The following TNRC6B variants were observed in gnomAD, a reference collection of about 807,000 sequenced individuals.
TNRC6B encodes the protein trinucleotide repeat-containing gene 6B protein.
Under a neutral mutation model 203.6 loss-of-function variants are expected in TNRC6B, and 52 were observed. The ratio of observed to expected loss-of-function variants is 0.26; its 90% CI spans 0.20 to 0.32. The LOEUF (loss-of-function observed/expected upper bound fraction) is 0.32. Ranked by LOEUF, TNRC6B falls within the 10% of genes least tolerant of loss-of-function variation. The pLI is 1.00. For synonymous variants in TNRC6B, 838 were observed against 845.7 expected (o/e 0.99, Z 0.16); for missense variants, 1,923 against 2,286.2 (o/e 0.84, Z 3.24).
chr22:40,276,271 C>T (rs957190094), intron 7 of TNRC6B, among the ~76,000 whole-genome samples: 5 of 151,376 alleles, frequency 3.3e-5, no homozygotes, highest in East Asian at 1.9e-4. Context: ...GGCGTGAGCC[C>T]GGGAGGCAAA....
At chr22:40,167,890 CA>C (rs1445017431) in intron 4 of TNRC6B, among the ~76,000 whole-genome samples, 3 of 151,806 alleles carry the variant, frequency 2.0e-5, no homozygotes, top group Non-Finnish European at 4.4e-5. Context: ...AAACAGTAAC[CA>C]AAAAATACGG....
At chr22:40,216,027 C>T (rs1295630105) in intron 1 of TNRC6B, among the ~76,000 whole-genome samples, 1 of 152,240 alleles carries the variant, frequency 6.6e-6, no homozygotes, top group Non-Finnish European at 1.5e-5. Context: ...GGCTCATTTA[C>T]AAGCCTGGTC....
At chr22:40,085,848 C>CTGTTGTTGTTGTTGTTGT (rs3044441) in intron 1 of TNRC6B, among the ~76,000 whole-genome samples, 3 of 149,168 alleles carry the variant, frequency 2.0e-5, no homozygotes, top group African/African-American at 7.5e-5. Context: ...TTTGTTGTTG[C>CTGTTGTTGTTGTTGTTGT]TGTTGTTGTT....
intron 4 of TNRC6B, among the ~76,000 whole-genome samples, chr22:40,157,991 TG>T (rs781639477): frequency 5.3e-5 from 8 of 152,122 alleles, no homozygotes; most frequent in African/African-American, 4.8e-5. Context: ...GCTATGCTCT[TG>T]AAAAATACTG....
rs554356625 is a variant in TNRC6B at position 40,211,919 on chromosome 22, A to G, written c.5+33779A>G. 9.9e-5 allele frequency among the ~76,000 whole-genome samples: 15 copies of G among 152,188 alleles called. 1 individual carries two copies. The South Asian group carries it at 2.9e-3, about 29-fold the overall frequency. On this transcript the variant is annotated intron_variant, in intron 1 of 22. Transcript: ENST00000454349. ...TTCGTATTACTGTGTGCTGCTTCCT[A>G]ACTCCTCTTTCCTTTCGTCTGTCTC...
intron 1 of TNRC6B, among the ~76,000 whole-genome samples, chr22:40,077,781 G>A (rs990770704): frequency 1.3e-5 from 2 of 152,030 alleles, no homozygotes; most frequent in African/African-American, 4.8e-5. Flanking sequence ...GTGTGTGTGT[G>A]TATATACACA....
chr22:40,314,562 C>T (rs984958109), intron 19 of TNRC6B, among the ~76,000 whole-genome samples: 11 of 152,186 alleles, frequency 7.2e-5, no homozygotes, highest in Non-Finnish European at 1.5e-4. Context: ...TTCTTTGTGC[C>T]CATCCATTTA....
chr22:40,218,829 A>ACC (rs1485308337), intron 1 of TNRC6B, among the ~76,000 whole-genome samples: 22 of 152,318 alleles, frequency 1.4e-4, no homozygotes, highest in Admixed American at 3.3e-4. Flanking sequence ...CATAGAGGAG[A>ACC]TGGGGATAAA....
intron 1 of TNRC6B, among the ~76,000 whole-genome samples, chr22:40,244,357 C>G (rs2070074184): frequency 6.6e-6 from 1 of 152,114 alleles, no homozygotes; most frequent in Non-Finnish European, 1.5e-5. Context: ...GTGGATTTTG[C>G]ATATTAGGCT....
chr22:40,265,842 T>C lies in TNRC6B; in HGVS notation c.1612T>C (p.Trp538Arg), dbSNP rs372228259. 89 of 1,613,784 alleles carry C rather than the reference T, an allele frequency of 5.5e-5. No homozygotes were observed. In the African/African-American group the frequency reaches 1.0e-3, roughly 19 times the overall value. The change falls in exon 5 of 23, where the codon TGG (tryptophan) becomes CGG (arginine). Residue 538 changes from tryptophan to arginine, a missense_variant. Physicochemically the swap from Trp to Arg is moderately radical, Grantham distance 101. Transcript: ENST00000454349. ...CCAACCAAATTCTAGCACTGGAGCA[T>C]GGGACAATCAAAAGGGCCACCCCCT... ...PNQPNSSTGA[W>R]DNQKGHPLPE...
At chr22:40,065,554 T>A (rs748624530) in intron 1 of TNRC6B, among the ~76,000 whole-genome samples, 1 of 152,184 alleles carries the variant, frequency 6.6e-6, no homozygotes, top group Non-Finnish European at 1.5e-5. Flanking sequence ...TCTAGGAATT[T>A]GTCTATTTCA....
chr22:40,120,895 G>A (rs12159560), intron 2 of TNRC6B, among the ~76,000 whole-genome samples: 2,311 of 152,172 alleles, frequency 0.015, 59 homozygotes, highest in African/African-American at 0.053. Flanking sequence ...CTGCCTTCTC[G>A]CCTGCCTCCT....
chr22:40,172,896 G>A (rs1018484237), intron 4 of TNRC6B, among the ~76,000 whole-genome samples: 4 of 152,030 alleles, frequency 2.6e-5, no homozygotes, highest in Admixed American at 6.5e-5. Flanking sequence ...GGTAACTTCT[G>A]TTTTCTTTGA....
intron 1 of TNRC6B, among the ~76,000 whole-genome samples, chr22:40,072,888 A>T (rs996038857): frequency 1.4e-5 from 2 of 142,444 alleles, no homozygotes; most frequent in African/African-American, 5.6e-5. Flanking sequence ...AAAAAAAAAA[A>T]GCTGGCTTCA....
intron 4 of TNRC6B, among the ~76,000 whole-genome samples, chr22:40,264,275 C>T (rs1052571882): frequency 2.6e-5 from 4 of 152,162 alleles, no homozygotes; most frequent in Admixed American, 6.5e-5. Flanking sequence ...CAGCTTTATT[C>T]TTGTGCACTA....
chr22:40,320,658 CAT>C (rs1431189170), intron 21 of TNRC6B, among the ~76,000 whole-genome samples: 2 of 152,102 alleles, frequency 1.3e-5, no homozygotes, highest in East Asian at 3.9e-4. Context: ...CAGCACAGGA[CAT>C]AGAGAAGTAG....
intron 2 of TNRC6B, among the ~76,000 whole-genome samples, chr22:40,119,922 A>T (rs2146319820): frequency 6.6e-6 from 1 of 151,318 alleles, no homozygotes; most frequent in South Asian, 2.1e-4. Flanking sequence ...TGTTCAAGAA[A>T]CATTGAAAAC....
chr22:40,068,894 T>G (rs1277609384), intron 1 of TNRC6B, among the ~76,000 whole-genome samples: 2 of 152,122 alleles, frequency 1.3e-5, no homozygotes. Flanking sequence ...CAGATTTTTC[T>G]TTTAAATCCA....
intron 3 of TNRC6B, among the ~76,000 whole-genome samples, chr22:40,142,935 T>C (rs952016189): frequency 6.6e-6 from 1 of 152,158 alleles, no homozygotes; most frequent in Non-Finnish European, 1.5e-5. Context: ...TAATTTGAGG[T>C]GTATCACAGA....
Sources: allele counts gnomAD v4.1 joint callset (sites outside exome capture counted in the v4.1 genomes callset), GRCh38; gene constraint gnomAD v4.1.1; transcripts MANE v1.5; gene names NCBI Gene and HGNC (gene_info 2026-07-23, HGNC 2026-07-21).